The following GPC5 variants were observed in gnomAD, a reference collection of about 807,000 sequenced individuals.
The protein encoded by GPC5 is glypican 5.
A neutral mutation model predicts 53.9 loss-of-function variants in GPC5; 47 were observed. The observed-to-expected ratio is 0.87, with a 90% CI of 0.69 to 1.11. The LOEUF (loss-of-function observed/expected upper bound fraction) is 1.11, where lower values mean the gene tolerates loss of function less well. Among genes scored for constraint, GPC5 ranks in the 50% most tolerant of loss-of-function variants. The pLI is 0.00. For missense variants in GPC5, 748 were observed against 713.1 expected (o/e 1.05, Z -0.56); for synonymous variants, 286 against 263.3 (o/e 1.09, Z -0.84).
In GPC5 at chr13:91,650,750, G is replaced by GTTTTTGTTTTTTTTTGTTTTT. The variant is rs1491353283; in HGVS notation, c.326-42432_326-42431insGTTTTTTTTTGTTTTTTTTTT. ...CATCTGTGAAACAAAATTCCCATAAGTTTTTTTTTTTTTTTTTTTTTTAGC... is the reference window on the plus strand; with the variant it reads ...CATCTGTGAAACAAAATTCCCATAAGTTTTTGTTTTTTTTTGTTTTTTTTTTTTTTTTTTTTTTTTTTTAGC... On this transcript the variant is annotated intron_variant, in intron 2 of 7. Coordinates refer to ENST00000377067, the MANE Select transcript of GPC5 (RefSeq NM_004466.6). Among the ~76,000 whole-genome samples the GTTTTTGTTTTTTTTTGTTTTT allele has an allele frequency of 3.0e-5, 3 of 99,642 alleles. 1 individual carries two copies. The highest frequency in any genetic ancestry group is 1.1e-4 in the Admixed American group (1 of 8,912). The allele number at this position is 99,642 out of a possible 152,430, so 65.4% of individuals were successfully genotyped here. A position where few individuals can be genotyped will look rare whatever the true frequency, so the allele number is the denominator to read the frequency against.
chr13:92,302,202 T>G (rs1233523626), intron 7 of GPC5, among the ~76,000 whole-genome samples: 1 of 152,202 alleles, frequency 6.6e-6, no homozygotes, highest in African/African-American at 2.4e-5. Context: ...TTTTTTGCAC[T>G]TTAATTAATA....
chr13:91,543,039 G>A (rs2030050693), intron 2 of GPC5, among the ~76,000 whole-genome samples: 1 of 151,984 alleles, frequency 6.6e-6, no homozygotes, highest in South Asian at 2.1e-4. Flanking sequence ...TGTATTTTTA[G>A]TAGAGACAGG....
intron 7 of GPC5, among the ~76,000 whole-genome samples, chr13:92,177,796 A>T (rs1368933962): frequency 2.6e-5 from 4 of 152,222 alleles, no homozygotes; most frequent in Admixed American, 1.3e-4. Flanking sequence ...ACAGAATAGC[A>T]TCCACAGTAC....
intron 7 of GPC5, among the ~76,000 whole-genome samples, chr13:92,505,069 AG>A (rs1880320550): frequency 6.6e-6 from 1 of 151,736 alleles, no homozygotes; most frequent in Admixed American, 6.6e-5. Flanking sequence ...AGAGTCTAAA[AG>A]TCTCCTAAAG....
intron 6 of GPC5, among the ~76,000 whole-genome samples, chr13:92,027,856 A>T (rs756013045): frequency 3.9e-5 from 6 of 152,182 alleles, no homozygotes; most frequent in Non-Finnish European, 8.8e-5. Context: ...TTGCTCAGTG[A>T]CAAGACTACC....
intron 2 of GPC5, among the ~76,000 whole-genome samples, chr13:91,561,652 A>G (rs917373390): frequency 3.3e-5 from 5 of 151,968 alleles, no homozygotes; most frequent in East Asian, 1.9e-4. Flanking sequence ...TTACACTTCT[A>G]TCACATCTCA....
chr13:92,356,780 G>C (rs1476673835), intron 7 of GPC5, among the ~76,000 whole-genome samples: 1 of 152,164 alleles, frequency 6.6e-6, no homozygotes, highest in African/African-American at 2.4e-5. Context: ...AAACTTCACA[G>C]AGGTTTGTTG....
At chr13:91,721,875 C>T (rs530755303) in intron 3 of GPC5, among the ~76,000 whole-genome samples, 16 of 152,312 alleles carry the variant, frequency 1.1e-4, no homozygotes, top group Non-Finnish European at 1.8e-4. Context: ...TACCCCATTC[C>T]ACTACCAATG....
intron 5 of GPC5, among the ~76,000 whole-genome samples, chr13:91,907,724 A>C (rs889347710): frequency 1.3e-4 from 19 of 151,836 alleles, no homozygotes; most frequent in Non-Finnish European, 2.1e-4. Context: ...TTGAGTGAAT[A>C]ACATTATTTT....
At chr13:92,590,428 C>T (rs747365254) in intron 7 of GPC5, among the ~76,000 whole-genome samples, 5 of 152,186 alleles carry the variant, frequency 3.3e-5, no homozygotes, top group African/African-American at 7.2e-5. Flanking sequence ...TGACAGACTG[C>T]GCACAGGAGA....
At position 92,370,446 on chromosome 13, in the gene GPC5, G is replaced by A. The variant is rs1208060862; in HGVS notation, c.1561+225457G>A. Among the ~76,000 whole-genome samples the A allele has an allele frequency of 3.9e-5, 6 of 151,986 alleles. No homozygotes were observed. In the East Asian group the frequency reaches 5.8e-4, roughly 15 times the overall value. On this transcript the variant is annotated intron_variant, in intron 7 of 7. Coordinates refer to ENST00000377067, the MANE Select transcript of GPC5 (RefSeq NM_004466.6). ...AGCAAAATTGATGATTCCTTAATAT[G>A]GGCTAAAGTCTCCACCTACTTAATT...
At chr13:92,013,426 C>T (rs990740432) in intron 6 of GPC5, among the ~76,000 whole-genome samples, 3 of 152,170 alleles carry the variant, frequency 2.0e-5, no homozygotes, top group African/African-American at 7.2e-5. Context: ...AGTCAAGCTG[C>T]TTCTCTCTCC....
intron 7 of GPC5, among the ~76,000 whole-genome samples, chr13:92,618,574 T>G (rs1349642272): frequency 1.3e-5 from 2 of 151,934 alleles, no homozygotes; most frequent in Non-Finnish European, 2.9e-5. Context: ...TCACTTTTAT[T>G]CTAAAGATTT....
intron 7 of GPC5, among the ~76,000 whole-genome samples, chr13:92,404,371 A>G (rs1487926359): frequency 1.3e-5 from 2 of 152,234 alleles, no homozygotes; most frequent in Non-Finnish European, 2.9e-5. Flanking sequence ...GAAATGCTCA[A>G]TAAAAAGTTG....
intron 7 of GPC5, among the ~76,000 whole-genome samples, chr13:92,774,637 T>C (rs1232365768): frequency 6.6e-6 from 1 of 152,158 alleles, no homozygotes; most frequent in Non-Finnish European, 1.5e-5. Flanking sequence ...CTCTTAATCA[T>C]CCATATTTAT....
chr13:91,724,097 T>G (rs943015046), intron 3 of GPC5, among the ~76,000 whole-genome samples: 1 of 152,166 alleles, frequency 6.6e-6, no homozygotes, highest in Non-Finnish European at 1.5e-5. Flanking sequence ...GAAAATAAAC[T>G]CAAATTTGTT....
chr13:91,906,665 AT>A, intron 5 of GPC5, among the ~76,000 whole-genome samples: 1 of 152,234 alleles, frequency 6.6e-6, no homozygotes, highest in African/African-American at 2.4e-5. Context: ...ATCACCTAGT[AT>A]AGGACTTGGA....
intron 7 of GPC5, among the ~76,000 whole-genome samples, chr13:92,207,311 C>A (rs1027211308): frequency 1.8e-4 from 28 of 152,186 alleles, no homozygotes; most frequent in Admixed American, 4.6e-4. Context: ...ACAAGCCAAG[C>A]CCACTAACCC....
At chr13:92,141,660 A>G (rs768282493) in intron 6 of GPC5, among the ~76,000 whole-genome samples, 2 of 152,130 alleles carry the variant, frequency 1.3e-5, no homozygotes, top group Non-Finnish European at 2.9e-5. Context: ...GCTCAAGACA[A>G]CATCCATTTA....
Sources: allele counts gnomAD v4.1 joint callset (sites outside exome capture counted in the v4.1 genomes callset), GRCh38; gene constraint gnomAD v4.1.1; transcripts MANE v1.5; gene names NCBI Gene and HGNC (gene_info 2026-07-23, HGNC 2026-07-21).